The following PCDHA1 variants were observed in gnomAD, a reference collection of about 807,000 sequenced individuals.
The protein encoded by PCDHA1 is protocadherin alpha-1.
A neutral mutation model predicts 61.3 loss-of-function variants in PCDHA1; 42 were observed. That is an observed-to-expected ratio of 0.69 (90% CI 0.54 to 0.89). The LOEUF (loss-of-function observed/expected upper bound fraction) is 0.89. Ranked by LOEUF, PCDHA1 falls within the 40% of genes least tolerant of loss-of-function variation. The pLI is 0.00. For synonymous variants in PCDHA1, 610 were observed against 553.8 expected (o/e 1.10, Z -1.43); for missense variants, 1,256 against 1,235.3 (o/e 1.02, Z -0.25).
chr5:140,882,958 C>T (rs1582656438), intron 1 of PCDHA1: 1 of 1,614,040 alleles, frequency 6.2e-7, no homozygotes, highest in Non-Finnish European at 8.5e-7. Flanking sequence ...AGCTGCTCAT[C>T]ACGATTCTGG....
At chr5:140,966,505 A>C (rs2096011889) in intron 1 of PCDHA1, 2 of 427,984 alleles carry the variant, frequency 4.7e-6, no homozygotes, top group Non-Finnish European at 8.1e-6. Context: ...CTGTAGCGGC[A>C]GCAGCAGCAG....
In PCDHA1 at chr5:140,829,870, G is replaced by T. The variant is rs2150176653; in HGVS notation, c.2394+41186G>T. 13 of 1,613,946 alleles carry T rather than the reference G, an allele frequency of 8.1e-6. No individual in the cohort carries two copies. The South Asian group carries it at 1.4e-4, about 18-fold the overall frequency. ...TGGGTGCAGGCCAAGTGGTGGCGAA[G>T]GTGCGCGCAGTTGACGCCGACTCAG... On this transcript the variant is annotated intron_variant, in intron 1 of 3. Transcript: ENST00000504120.
chr5:140,809,653 A>T lies in PCDHA1; in HGVS notation c.2394+20969A>T, dbSNP rs1315085871. 5 of 1,493,784 alleles carry T rather than the reference A, an allele frequency of 3.3e-6. No homozygotes were observed. The African/African-American group carries it at 5.6e-5, about 17-fold the overall frequency. The allele number at this position is 1,493,784 out of a possible 1,614,324, so 92.5% of individuals were successfully genotyped here. On this transcript the variant is annotated intron_variant, in intron 1 of 3. Transcript: ENST00000504120. Reference sequence around the variant, plus strand: ...CTTCGTAAATTTATTTCTAAGAGTCAAATTTCCCTGGGTTAAAATTTTACC... The same window carrying T: ...CTTCGTAAATTTATTTCTAAGAGTCTAATTTCCCTGGGTTAAAATTTTACC...
intron 1 of PCDHA1, chr5:140,883,468 C>A: frequency 6.2e-7 from 1 of 1,614,164 alleles, no homozygotes; most frequent in South Asian, 1.1e-5. Context: ...TGGTGTCCAC[C>A]TACAAGAACT....
intron 1 of PCDHA1, among the ~76,000 whole-genome samples, chr5:140,896,658 T>C (rs2065683362): frequency 6.6e-6 from 1 of 152,154 alleles, no homozygotes; most frequent in African/African-American, 2.4e-5. Context: ...ATTACAGGCA[T>C]GAGTCACTGT....
intron 3 of PCDHA1, among the ~76,000 whole-genome samples, chr5:140,999,125 G>C (rs1554256627): frequency 6.6e-6 from 1 of 152,152 alleles, no homozygotes; most frequent in South Asian, 2.1e-4. Context: ...TTCTAAGCTG[G>C]AAAATGTCAC....
At chr5:140,820,372 TG>T (rs2150106732) in intron 1 of PCDHA1, among the ~76,000 whole-genome samples, 317 of 152,120 alleles carry the variant, frequency 2.1e-3, no homozygotes, top group African/African-American at 7.4e-3. Context: ...TTGCATTTTC[TG>T]GTAATTTCTT....
chr5:140,808,709 G>C (rs782467255), intron 1 of PCDHA1: 2 of 1,612,236 alleles, frequency 1.2e-6, no homozygotes, highest in Non-Finnish European at 1.7e-6. Context: ...GTCGAGCTAC[G>C]TTTCGGTGCA....
chr5:140,857,745 C>G, intron 1 of PCDHA1: 1 of 1,597,310 alleles, frequency 6.3e-7, no homozygotes, highest in Non-Finnish European at 8.6e-7. Context: ...GCGCTGCTGG[C>G]GTCTCCCGCT....
intron 1 of PCDHA1, among the ~76,000 whole-genome samples, chr5:140,889,326 G>A (rs2062188363): frequency 6.6e-6 from 1 of 151,922 alleles, no homozygotes; most frequent in African/African-American, 2.4e-5. Flanking sequence ...TCTGTATCAG[G>A]ATTTTGATTG....
At chr5:140,836,560 C>G (rs782229036) in intron 1 of PCDHA1, 1 of 1,613,738 alleles carries the variant, frequency 6.2e-7, no homozygotes, top group Non-Finnish European at 8.5e-7. Flanking sequence ...TGCTCAGCGC[C>G]GTCCTCTGAG....
intron 1 of PCDHA1, chr5:140,966,708 C>G (rs1033433543): frequency 7.2e-7 from 1 of 1,384,746 alleles, no homozygotes; most frequent in Non-Finnish European, 9.3e-7. Context: ...GCGTGGGGCA[C>G]GGCTGGGGAA....
chr5:140,882,450 C>T (rs781827745), intron 1 of PCDHA1: 2 of 1,613,990 alleles, frequency 1.2e-6, no homozygotes, highest in Non-Finnish European at 1.7e-6. Flanking sequence ...GAGCTGGTGC[C>T]GCGCCTGTTC....
intron 1 of PCDHA1, among the ~76,000 whole-genome samples, chr5:140,846,126 G>T (rs2150384899): frequency 6.7e-6 from 1 of 149,636 alleles, no homozygotes; most frequent in East Asian, 1.9e-4. Flanking sequence ...TTTGATAGTT[G>T]TATGTTTCCC....
intron 1 of PCDHA1, chr5:140,968,461 C>G (rs141568667): frequency 1.4e-5 from 22 of 1,614,078 alleles, no homozygotes; most frequent in Non-Finnish European, 1.9e-5. Context: ...CTGTGACTGC[C>G]AACGTATATG....
intron 1 of PCDHA1, among the ~76,000 whole-genome samples, chr5:140,907,205 G>T (rs549918744): frequency 2.0e-5 from 3 of 152,196 alleles, no homozygotes; most frequent in East Asian, 3.9e-4. Context: ...GGAGAATTTT[G>T]CCCCAGCCCT....
chr5:140,834,789 A>G lies in PCDHA1; in HGVS notation c.2394+46105A>G, dbSNP rs1164245907. 4 of 1,613,586 alleles carry G rather than the reference A, an allele frequency of 2.5e-6. No homozygotes were observed. The African/African-American group carries it at 5.3e-5, about 22-fold the overall frequency. Reference sequence around the variant, plus strand: ...CGACAACCCTCCGGTGTTCCCAGCGACACAAAGGAATCTGTTCATCGCGGA... The same window carrying G: ...CGACAACCCTCCGGTGTTCCCAGCGGCACAAAGGAATCTGTTCATCGCGGA... On this transcript the variant is annotated intron_variant, in intron 1 of 3. Coordinates refer to ENST00000504120, the MANE Select transcript of PCDHA1 (RefSeq NM_018900.4).
At chr5:140,991,682 C>G (rs1234700322) in intron 3 of PCDHA1, among the ~76,000 whole-genome samples, 2 of 152,170 alleles carry the variant, frequency 1.3e-5, no homozygotes, top group Non-Finnish European at 2.9e-5. Context: ...TCTGAGTCCT[C>G]TCTAGTAGAG....
At chr5:140,869,682 A>AGG in intron 1 of PCDHA1, 3 of 1,613,466 alleles carry the variant, frequency 1.9e-6, no homozygotes, top group Non-Finnish European at 2.5e-6. Context: ...AAAGACTGTC[A>AGG]CTTATTTTAA....
Sources: gnomAD v4.1 joint callset for allele counts (sites outside exome capture counted in the v4.1 genomes callset) on GRCh38, gnomAD v4.1.1 for gene constraint, MANE v1.5 for transcripts, NCBI Gene and HGNC (gene_info 2026-07-23, HGNC 2026-07-21) for gene names.